ZNF385D: variants seen among roughly 807,000 people sequenced by gnomAD.
ZNF385D encodes zinc finger protein 385D.
A neutral mutation model predicts 35.8 loss-of-function variants in ZNF385D; 15 were observed. The observed-to-expected ratio is 0.42, with a 90% CI of 0.28 to 0.64. The LOEUF is 0.64. Among genes scored for constraint, ZNF385D ranks in the 30% least tolerant of loss-of-function variants. The pLI, the probability that ZNF385D is intolerant of heterozygous loss-of-function variation, is 0.23. For synonymous variants in ZNF385D, 212 were observed against 186.8 expected, an observed-to-expected ratio of 1.13 and a Z score of -1.10; for missense variants, 474 against 494.6, an observed-to-expected ratio of 0.96 and a Z score of 0.39.
At chr3:22,270,766 A>G (rs1054174210) in intron 2 of ZNF385D, among the ~76,000 whole-genome samples, 6 of 151,978 alleles carry the variant, frequency 3.9e-5, no homozygotes, top group Admixed American at 6.6e-5. Flanking sequence ...GTCGTAGTGA[A>G]TCTTACCCCG....
At chr3:22,145,860 C>A (rs1197502300) in intron 3 of ZNF385D, among the ~76,000 whole-genome samples, 1 of 152,112 alleles carries the variant, frequency 6.6e-6, no homozygotes, top group Non-Finnish European at 1.5e-5. Flanking sequence ...TAATCCAAAT[C>A]AACATGAGGG....
intron 2 of ZNF385D, chr3:21,579,207 A>AT (rs985646288): frequency 3.9e-5 from 6 of 152,148 alleles, no homozygotes; most frequent in Admixed American, 3.9e-4. Context: ...TTGGGATTCT[A>AT]TTTTCAAGGA....
chr3:21,966,281 T>C (rs901434907), intron 3 of ZNF385D, among the ~76,000 whole-genome samples: 6 of 152,232 alleles, frequency 3.9e-5, no homozygotes, highest in African/African-American at 1.4e-4. Flanking sequence ...TTAAAGCTTG[T>C]ATTTTGTTTG....
exon 3 of ZNF385D, chr3:22,168,930 T>A: frequency 1.0e-6 from 1 of 985,880 alleles, no homozygotes; most frequent in Non-Finnish European, 1.2e-6. Context: ...GTTACATACA[T>A]TGCACAAAGT....
intron 3 of ZNF385D, among the ~76,000 whole-genome samples, chr3:21,960,444 G>T (rs1343348645): frequency 9.4e-6 from 1 of 105,884 alleles, no homozygotes; most frequent in African/African-American, 3.0e-5. Flanking sequence ...AGCAAATGCT[G>T]GTGTGGATGC....
intron 2 of ZNF385D, among the ~76,000 whole-genome samples, chr3:22,171,645 G>C (rs1048255423): frequency 3.9e-5 from 6 of 152,080 alleles, no homozygotes. Flanking sequence ...GGGAGGCCGA[G>C]GCGGGTGGAT....
At chr3:21,642,282 C>T (rs1329526869) in intron 2 of ZNF385D, among the ~76,000 whole-genome samples, 1 of 152,136 alleles carries the variant, frequency 6.6e-6, no homozygotes, top group Non-Finnish European at 1.5e-5. Flanking sequence ...ACCCCTTTCT[C>T]TGCAGCAGAG....
In ZNF385D at chr3:21,525,610, G is replaced by A. The variant is rs572525535; in HGVS notation, c.277-14587C>T. On this transcript the variant is annotated intron_variant, in intron 3 of 7. Transcript: ENST00000281523. ...GAGGGAGGAGAATTGCTTGAACCTG[G>A]GAGGCGGAGGTTGCAGAGAGCAGAG... 2.0e-5 allele frequency among the ~76,000 whole-genome samples: 3 copies of A among 150,894 alleles called. No individual in the cohort carries two copies. In the South Asian group the frequency reaches 6.3e-4, roughly 32 times the overall value.
chr3:21,865,029 T>A (rs1575801344), intron 3 of ZNF385D, among the ~76,000 whole-genome samples: 1 of 113,208 alleles, frequency 8.8e-6, no homozygotes, highest in Non-Finnish European at 1.8e-5. Context: ...AATTACTCTG[T>A]GGGGTACAGG....
At position 21,420,866 on chromosome 3, in the gene ZNF385D, T is replaced by C. The variant is rs1700704522; in HGVS notation, c.*348A>G. The C allele has an allele frequency of 4.7e-6, 1 of 212,056 alleles. No homozygotes were observed. The highest frequency in any genetic ancestry group is 2.3e-5 in the African/African-American group (1 of 44,060). 13.1% of individuals were successfully genotyped at this position (212,056 alleles called of 1,614,324 possible). ...AACCAGTTAATGCCCTTAGACAATG[T>C]ATAGTTGTTTCATAAAGCAGGACAG... On this transcript the variant is annotated 3_prime_UTR_variant, in exon 8 of 8. Transcript: ENST00000281523.
At chr3:21,431,170 G>A (rs1701277737) in intron 5 of ZNF385D, 1 of 152,112 alleles carries the variant, frequency 6.6e-6, no homozygotes, top group South Asian at 2.1e-4. Context: ...ACTTTCCACT[G>A]TTTTGCACTT....
At chr3:21,609,400 A>T (rs1379148313) in intron 2 of ZNF385D, among the ~76,000 whole-genome samples, 1 of 152,248 alleles carries the variant, frequency 6.6e-6, no homozygotes, top group Non-Finnish European at 1.5e-5. Context: ...TTTATGCTTC[A>T]TAATAATCTA....
intron 3 of ZNF385D, among the ~76,000 whole-genome samples, chr3:21,932,577 C>A (rs145786200): frequency 1.3e-5 from 2 of 151,712 alleles, no homozygotes; most frequent in Non-Finnish European, 2.9e-5. Context: ...TGGCTGATTA[C>A]GTGGGGAGAC....
chr3:21,484,404 G>C (rs951350482), intron 4 of ZNF385D, among the ~76,000 whole-genome samples: 7 of 152,190 alleles, frequency 4.6e-5, no homozygotes, highest in African/African-American at 1.7e-4. Context: ...TGCACAAGCT[G>C]GGCATCTTTC....
Position 21,497,538 on chromosome 3 carries a change from A to T in ZNF385D, c.439+13323T>A, listed in dbSNP as rs181057379. 9.9e-3 allele frequency among the ~76,000 whole-genome samples: 1,501 copies of T among 152,276 alleles called. 16 individuals carry two copies. Among genetic ancestry groups the T allele is most frequent in the Middle Eastern group, 0.044 (13 of 294 alleles). ...AATGACACTCTTCACAGAATTATTTAAAAAAATTTTTTTTAAATTCATATG... is the reference window on the plus strand; with the variant it reads ...AATGACACTCTTCACAGAATTATTTTAAAAAATTTTTTTTAAATTCATATG... On this transcript the variant is annotated intron_variant, in intron 4 of 7. Transcript: ENST00000281523.
intron 2 of ZNF385D, among the ~76,000 whole-genome samples, chr3:22,275,855 C>T (rs1291769278): frequency 2.0e-5 from 3 of 152,052 alleles, no homozygotes; most frequent in South Asian, 2.1e-4. Flanking sequence ...GAGGCTGAGG[C>T]GGGTGGATAA....
chr3:22,341,625 T>G (rs1695423773), intron 2 of ZNF385D, among the ~76,000 whole-genome samples: 1 of 152,230 alleles, frequency 6.6e-6, no homozygotes, highest in African/African-American at 2.4e-5. Context: ...CCTCCATTAC[T>G]ATTCACTATA....
chr3:22,028,541 G>A (rs1175137250), intron 3 of ZNF385D, among the ~76,000 whole-genome samples: 25 of 152,140 alleles, frequency 1.6e-4, no homozygotes, highest in Admixed American at 1.2e-3. Context: ...TGATTATTTC[G>A]GACCTCTTCC....
chr3:21,517,684 G>A (rs1399931187), intron 3 of ZNF385D, among the ~76,000 whole-genome samples: 1 of 152,134 alleles, frequency 6.6e-6, no homozygotes, highest in African/African-American at 2.4e-5. Flanking sequence ...ACGGTAATCT[G>A]ACTAGTTAAG....
Sources: gnomAD v4.1 joint callset for allele counts (sites outside exome capture counted in the v4.1 genomes callset) on GRCh38, gnomAD v4.1.1 for gene constraint, MANE v1.5 for transcripts, NCBI Gene and HGNC (gene_info 2026-07-23, HGNC 2026-07-21) for gene names.